The following EPB41L2 variants were observed in gnomAD, a reference collection of about 807,000 sequenced individuals.
The protein encoded by EPB41L2 is band 4.1-like protein 2.
A neutral mutation model predicts 113.0 loss-of-function variants in EPB41L2; 43 were observed. That is an observed-to-expected ratio of 0.38 (90% CI 0.30 to 0.49). The LOEUF (loss-of-function observed/expected upper bound fraction) is 0.49. Ranked by LOEUF, EPB41L2 falls within the 20% of genes least tolerant of loss-of-function variation. The pLI, the probability that EPB41L2 is intolerant of heterozygous loss-of-function variation, is 0.95. For synonymous variants in EPB41L2, 442 were observed against 436.7 expected (o/e 1.01, Z -0.15); for missense variants, 1,147 against 1,223.4 (o/e 0.94, Z 0.93).
intron 1 of EPB41L2, among the ~76,000 whole-genome samples, chr6:130,989,347 A>G (rs1434056632): frequency 6.6e-6 from 1 of 152,204 alleles, no homozygotes; most frequent in Non-Finnish European, 1.5e-5. Context: ...TGTTTAAAAT[A>G]AAATATAAGG....
At chr6:130,856,420 T>C (rs75867649) in intron 19 of EPB41L2, among the ~76,000 whole-genome samples, 7,136 of 152,232 alleles carry the variant, frequency 0.047, 232 homozygotes, top group East Asian at 0.12. Flanking sequence ...GCATTTAAGG[T>C]TTTGAAGTTT....
intron 8 of EPB41L2, among the ~76,000 whole-genome samples, chr6:130,897,020 C>T (rs1178775819): frequency 6.6e-6 from 1 of 152,144 alleles, no homozygotes; most frequent in African/African-American, 2.4e-5. Flanking sequence ...CCACACATAT[C>T]TCTCCTTGGG....
At chr6:130,887,051 A>G (rs9483184) in intron 11 of EPB41L2, among the ~76,000 whole-genome samples, 3,961 of 152,282 alleles carry the variant, frequency 0.026, 204 homozygotes, top group African/African-American at 0.091. Flanking sequence ...CACCTATTAT[A>G]CATACTCAGA....
chr6:131,012,980 TAGAC>T (rs1259670087), intron 1 of EPB41L2, among the ~76,000 whole-genome samples: 2 of 152,136 alleles, frequency 1.3e-5, no homozygotes, highest in African/African-American at 2.4e-5. Context: ...TAGCAACACA[TAGAC>T]AGGACTCCAA....
intron 1 of EPB41L2, among the ~76,000 whole-genome samples, chr6:131,008,290 C>T (rs1248027099): frequency 6.6e-6 from 1 of 152,242 alleles, no homozygotes; most frequent in Non-Finnish European, 1.5e-5. Flanking sequence ...GAGGTGCAAG[C>T]CCCAAGCCTT....
chr6:130,869,436 T>C (rs1784921559), intron 15 of EPB41L2, 127 bp downstream of exon 15: 4 of 890,488 alleles, frequency 4.5e-6, no homozygotes, highest in Admixed American at 2.8e-5. Context: ...CTTCCTCCCA[T>C]GAGAGAGAAA....
chr6:130,979,633 T>C (rs1778935510), intron 1 of EPB41L2, among the ~76,000 whole-genome samples: 1 of 151,970 alleles, frequency 6.6e-6, no homozygotes, highest in African/African-American at 2.4e-5. Flanking sequence ...GACTTGATAA[T>C]TAATTGGATT....
chr6:131,042,177 T>A (rs916968287), intron 1 of EPB41L2, among the ~76,000 whole-genome samples: 8 of 152,124 alleles, frequency 5.3e-5, no homozygotes, highest in African/African-American at 1.9e-4. Context: ...AGTATTTTTT[T>A]AAAAAGAAAC....
chr6:130,926,324 G>A (rs1217258954), intron 4 of EPB41L2, among the ~76,000 whole-genome samples: 1 of 152,204 alleles, frequency 6.6e-6, no homozygotes, highest in African/African-American at 2.4e-5. Flanking sequence ...CTTTATGCCA[G>A]AACATCACTT....
chr6:131,013,182 G>C (rs1336776672), intron 1 of EPB41L2, among the ~76,000 whole-genome samples: 1 of 151,882 alleles, frequency 6.6e-6, no homozygotes, highest in Non-Finnish European at 1.5e-5. Context: ...CTACAAAATG[G>C]AAGACATTGC....
intron 15 of EPB41L2, chr6:130,867,937 GACACACAC>G (rs58752395): frequency 0.038 from 6,751 of 179,138 alleles, 563 homozygotes; most frequent in African/African-American, 0.17. Flanking sequence ...AGTGTATAGT[GACACACAC>G]ACACACACAC....
At chr6:130,873,112 T>G (rs1049455895) in intron 14 of EPB41L2, among the ~76,000 whole-genome samples, 1 of 152,136 alleles carries the variant, frequency 6.6e-6, no homozygotes, top group African/African-American at 2.4e-5. Flanking sequence ...ACAACAAACA[T>G]TCTGACAGCA....
At chr6:130,995,053 CCGG>C in intron 1 of EPB41L2, among the ~76,000 whole-genome samples, 1 of 152,216 alleles carries the variant, frequency 6.6e-6, no homozygotes, top group Non-Finnish European at 1.5e-5. Flanking sequence ...ATAAAACAGG[CCGG>C]CCAGGCGTGG....
intron 14 of EPB41L2, among the ~76,000 whole-genome samples, chr6:130,873,177 T>G (rs1229051868): frequency 1.3e-5 from 2 of 152,088 alleles, no homozygotes; most frequent in African/African-American, 4.8e-5. Flanking sequence ...AATTACCCTG[T>G]CCCCTTTTTT....
At chr6:131,053,434 TAAAAAAAAAAA>T (rs71030727) in intron 1 of EPB41L2, among the ~76,000 whole-genome samples, 8 of 88,876 alleles carry the variant, frequency 9.0e-5, no homozygotes, top group Middle Eastern at 0.014. Flanking sequence ...ATGGAAATGA[TAAAAAAAAAAA>T]AAAAAAAAAA....
intron 6 of EPB41L2, among the ~76,000 whole-genome samples, chr6:130,904,083 C>T (rs1008917882): frequency 2.6e-5 from 4 of 152,128 alleles, no homozygotes; most frequent in African/African-American, 9.7e-5. Flanking sequence ...ATTTTGCTAA[C>T]CTCATATCAT....
intron 1 of EPB41L2, among the ~76,000 whole-genome samples, chr6:130,985,458 G>C (rs574732816): frequency 6.6e-6 from 1 of 152,132 alleles, no homozygotes; most frequent in Admixed American, 6.5e-5. Flanking sequence ...GAACCAGTGC[G>C]TGGGACAAGA....
intron 11 of EPB41L2, among the ~76,000 whole-genome samples, chr6:130,889,298 A>C (rs1039036433): frequency 2.0e-5 from 3 of 152,094 alleles, no homozygotes; most frequent in Middle Eastern, 3.4e-3. Context: ...TTCTAATATA[A>C]ATTTAACCTT....
intron 1 of EPB41L2, among the ~76,000 whole-genome samples, chr6:131,035,584 C>T (rs2128176224): frequency 6.6e-6 from 1 of 152,248 alleles, no homozygotes; most frequent in Middle Eastern, 3.4e-3. Flanking sequence ...CATTTAGTGA[C>T]CTATTTATTG....
Sources: gnomAD v4.1 joint callset for allele counts (sites outside exome capture counted in the v4.1 genomes callset) on GRCh38, gnomAD v4.1.1 for gene constraint, MANE v1.5 for transcripts, NCBI Gene and HGNC (gene_info 2026-07-23, HGNC 2026-07-21) for gene names.